NCOA7: variants seen among roughly 807,000 people sequenced by gnomAD.
NCOA7 encodes the protein 140 kDa estrogen receptor-associated protein.
A neutral mutation model predicts 104.3 loss-of-function variants in NCOA7; 45 were observed. The ratio of observed to expected loss-of-function variants is 0.43; its 90% CI spans 0.34 to 0.55. NCOA7 has a LOEUF of 0.55. Ranked by LOEUF, NCOA7 falls within the 20% of genes least tolerant of loss-of-function variation. The pLI is 0.02. For synonymous variants in NCOA7, 398 were observed against 402.3 expected (o/e 0.99, Z 0.13); for missense variants, 1,041 against 1,119.7 (o/e 0.93, Z 1.00).
At chr6:125,810,398 TTTAA>T (rs1247747222) in intron 1 of NCOA7, 3 of 152,238 alleles carry the variant, frequency 2.0e-5, no homozygotes, top group Non-Finnish European at 2.9e-5. Flanking sequence ...TGGATTTAAG[TTTAA>T]TTGACTATCC....
intron 11 of NCOA7, among the ~76,000 whole-genome samples, chr6:125,917,162 G>T (rs1787157210): frequency 6.6e-6 from 1 of 152,084 alleles, no homozygotes; most frequent in African/African-American, 2.4e-5. Context: ...TATTACTAGA[G>T]ACATTAATTC....
At position 125,885,213 on chromosome 6, in the gene NCOA7, C is replaced by T; in HGVS notation, c.754C>T (p.His252Tyr). The T allele has an allele frequency of 6.2e-7, 1 of 1,614,020 alleles. No individual in the cohort carries two copies. Among genetic ancestry groups the T allele is most frequent in the Non-Finnish European group, 8.5e-7 (1 of 1,179,938 alleles). Residue 252 changes from histidine (H) to tyrosine (Y), a missense_variant, in exon 8 of 16, where the codon CAT becomes TAT. Physicochemically the swap from His to Tyr is moderately conservative, Grantham distance 83 (BLOSUM62 2). Around this residue, in one of 2 missense-constraint regions of NCOA7, gnomAD observed 914 missense variants for 942.7 expected, o/e 0.97. Transcript: ENST00000392477. The stretch of plus-strand genomic sequence containing the variant: ...TCCTAACAACATCATGTTTGACCCT[C>T]ATAAATCTGATCCTCTGGTTATTGA... ...VTPNNIMFDP[H>Y]KSDPLVIENG...
intron 8 of NCOA7, 102 bp from the exon 9 acceptor site, chr6:125,888,837 G>T: frequency 1.4e-6 from 1 of 731,182 alleles, no homozygotes; most frequent in South Asian, 2.4e-5. Flanking sequence ...TTTATGTATT[G>T]GTTTTTGGTT....
chr6:125,851,603 G>C (rs1781133850), intron 2 of NCOA7, among the ~76,000 whole-genome samples: 1 of 152,094 alleles, frequency 6.6e-6, no homozygotes. Context: ...TTTTTCCTTT[G>C]GGTAGATACC....
rs745788703 is a variant in NCOA7, at chr6:125,889,471, G to A, written c.1417G>A (p.Glu473Lys). 1.2e-6 allele frequency: 2 copies of A among 1,614,098 alleles called. No homozygotes were observed. Among genetic ancestry groups the A allele is most frequent in the Non-Finnish European group, 8.5e-7 (1 of 1,180,004 alleles). ...VQSALAFLGTENDVELKGALD... is the reference protein window; with the variant it reads ...VQSALAFLGTKNDVELKGALD... The stretch of plus-strand genomic sequence containing the variant: ...GTCAGCCCTAGCCTTTTTGGGAACA[G>A]AGAATGATGTTGAACTGAAGGGGGC... The change falls in exon 9 of 16, where the codon GAG (glutamate) becomes AAG (lysine). Residue 473 changes from glutamate to lysine, a missense_variant. This residue lies in a region of NCOA7 where 914 missense variants were observed against 942.7 expected (regional missense o/e 0.97). Transcript: ENST00000392477.
intron 8 of NCOA7, 141 bp downstream of exon 8, chr6:125,885,484 G>A: frequency 4.6e-6 from 3 of 654,828 alleles, no homozygotes; most frequent in South Asian, 3.1e-5. Context: ...AAGAAAATGA[G>A]AAAAATGAGA....
intron 2 of NCOA7, among the ~76,000 whole-genome samples, chr6:125,821,698 C>G (rs577372670): frequency 6.6e-6 from 1 of 152,202 alleles, no homozygotes; most frequent in African/African-American, 2.4e-5. Flanking sequence ...ATTAACCTAC[C>G]AAGACAATAG....
chr6:125,867,454 G>A (rs1782530963), intron 3 of NCOA7, among the ~76,000 whole-genome samples: 1 of 152,158 alleles, frequency 6.6e-6, no homozygotes, highest in Admixed American at 6.5e-5. Context: ...TTATACAGGT[G>A]TACTTTAGGA....
chr6:125,805,409 T>C (rs1053851002), intron 1 of NCOA7, among the ~76,000 whole-genome samples: 1 of 152,110 alleles, frequency 6.6e-6, no homozygotes, highest in Non-Finnish European at 1.5e-5. Context: ...TCTTGTTCTT[T>C]TTAACTGTGG....
intron 3 of NCOA7, among the ~76,000 whole-genome samples, chr6:125,858,758 A>G (rs1343442103): frequency 6.6e-6 from 1 of 152,168 alleles, no homozygotes; most frequent in Admixed American, 6.5e-5. Flanking sequence ...TCTAGGTGGA[A>G]TTCACCTTTC....
intron 3 of NCOA7, among the ~76,000 whole-genome samples, chr6:125,872,384 T>A (rs1462770586): frequency 6.6e-6 from 1 of 152,154 alleles, no homozygotes; most frequent in Admixed American, 6.5e-5. Flanking sequence ...AGCTGCCAGA[T>A]ATGGGAAGAA....
chr6:125,874,983 G>T lies in NCOA7; in HGVS notation c.351+15G>T. ...TGGAATACACTGTGAGTATAACCAAGGTGGTATAAATGTTTGTTAATAGCA... is the reference window on the plus strand; with the variant it reads ...TGGAATACACTGTGAGTATAACCAATGTGGTATAAATGTTTGTTAATAGCA... On this transcript the variant is annotated intron_variant, in intron 4 of 15. Transcript: ENST00000392477. 1 of 1,593,478 alleles carries T rather than the reference G, an allele frequency of 6.3e-7. No individual in the cohort carries two copies. Among genetic ancestry groups the T allele is most frequent in the South Asian group, 1.1e-5 (1 of 90,514 alleles).
In NCOA7 at chr6:125,915,463, A is replaced by G; in HGVS notation, c.2227A>G (p.Thr743Ala). The G allele has an allele frequency of 1.2e-6, 2 of 1,613,882 alleles. No homozygotes were observed. The highest frequency in any genetic ancestry group is 1.7e-6 in the Non-Finnish European group (2 of 1,179,772). Residue 743 changes from threonine (T) to alanine (A), a missense_variant, in exon 11 of 16, where the codon ACA becomes GCA. This residue lies in a region of NCOA7 where 914 missense variants were observed against 942.7 expected (regional missense o/e 0.97). Transcript: ENST00000392477. ...GATTGACAACTTCTTCAGTGAGCCA[A>G]CAACCAAGAGCTGGGAGGTGAGCAC... Reference protein sequence around the residue: ...NMIDNFFSEPTTKSWEIITVE... With the variant: ...NMIDNFFSEPATKSWEIITVE...
In NCOA7 at chr6:125,889,180, T is replaced by A; in HGVS notation, c.1126T>A (p.Ser376Thr). The A allele has an allele frequency of 6.2e-7, 1 of 1,614,066 alleles. No individual in the cohort carries two copies. Among genetic ancestry groups the A allele is most frequent in the Non-Finnish European group, 8.5e-7 (1 of 1,179,998 alleles). Residue 376 changes from serine to threonine, a missense_variant, in exon 9 of 16, where the codon TCC (serine) becomes ACC (threonine). Coordinates refer to ENST00000392477, the MANE Select transcript of NCOA7 (RefSeq NM_181782.5). ...SVSEKLKKLD[S>T]SRETSHGSPT... The stretch of plus-strand genomic sequence containing the variant: ...GTCAGAGAAATTAAAGAAACTGGAC[T>A]CCTCTAGGGAGACATCCCATGGTTC...
chr6:125,845,495 G>C (rs1347554442), intron 2 of NCOA7, among the ~76,000 whole-genome samples: 1 of 152,170 alleles, frequency 6.6e-6, no homozygotes. Context: ...AAAGTTCTTG[G>C]CTGGGCACGG....
In NCOA7 at chr6:125,889,239, C is replaced by T. The variant is rs377050665; in HGVS notation, c.1185C>T (p.Ser395=). 90 of 1,613,794 alleles carry T rather than the reference C, an allele frequency of 5.6e-5. No individual in the cohort carries two copies. The highest frequency in any genetic ancestry group is 1.3e-4 in the South Asian group (12 of 91,074). ...PTVTKLSKEP[S]DTSSAFESTA... is the part of the protein sequence containing the mutation. ...TGACTAAGCTCAGCAAGGAACCTTC[C>T]GACACTTCTTCTGCATTTGAATCTA... Residue 395 remains serine, a synonymous_variant, in exon 9 of 16, where the codon TCC becomes TCT. Coordinates refer to ENST00000392477, the MANE Select transcript of NCOA7 (RefSeq NM_181782.5).
Position 125,823,780 on chromosome 6 carries a change from G to A in NCOA7, c.50+8376G>A, listed in dbSNP as rs543795495. ...TACTACAAGCTGTGGGTTATAACCC[G>A]TTAGGGTCTCATGAAATCAGTTTAG... On this transcript the variant is annotated intron_variant, in intron 2 of 15. Transcript: ENST00000392477. Among the ~76,000 whole-genome samples, 41 of 152,166 alleles carry A rather than the reference G, an allele frequency of 2.7e-4. No individual in the cohort carries two copies. The East Asian group carries it at 3.5e-3, about 13-fold the overall frequency.
chr6:125,884,015 G>T (rs963252054), intron 7 of NCOA7, among the ~76,000 whole-genome samples: 6 of 151,952 alleles, frequency 3.9e-5, no homozygotes, highest in Non-Finnish European at 7.4e-5. Context: ...CACCACACCC[G>T]GCCCACCCAT....
chr6:125,885,819 G>A (rs1784209899), intron 8 of NCOA7, among the ~76,000 whole-genome samples: 1 of 152,174 alleles, frequency 6.6e-6, no homozygotes, highest in Non-Finnish European at 1.5e-5. Context: ...CTACAGTGTA[G>A]TGGTAGCCAC....
Sources: allele counts gnomAD v4.1 joint callset (sites outside exome capture counted in the v4.1 genomes callset), GRCh38; gene constraint gnomAD v4.1.1; regional missense constraint gnomAD v4.1.1; transcripts MANE v1.5; gene names NCBI Gene and HGNC (gene_info 2026-07-23, HGNC 2026-07-21).